The following RPS6KA2 variants were observed in gnomAD, a reference collection of about 807,000 sequenced individuals.
RPS6KA2 encodes the protein ribosomal protein S6 kinase alpha-2.
In RPS6KA2, 42 loss-of-function variants were observed where a neutral mutation model predicts 91.8. That is an observed-to-expected ratio of 0.46 (90% CI 0.36 to 0.59). The LOEUF (loss-of-function observed/expected upper bound fraction) is 0.59, where lower values mean the gene tolerates loss of function less well. RPS6KA2 is among the 20% of genes least tolerant of loss of function. The pLI is 0.00. For synonymous variants in RPS6KA2, 414 were observed against 393.6 expected (o/e 1.05, Z -0.61); for missense variants, 798 against 978.5 (o/e 0.82, Z 2.46).
At chr6:166,753,256 C>A (rs1405653872) in intron 2 of RPS6KA2, among the ~76,000 whole-genome samples, 1 of 152,214 alleles carries the variant, frequency 6.6e-6, no homozygotes, top group Non-Finnish European at 1.5e-5. Flanking sequence ...AACAGTCCCC[C>A]TCAGGCTGAA....
At chr6:166,788,857 A>C (rs959677307) in intron 2 of RPS6KA2, among the ~76,000 whole-genome samples, 4 of 152,168 alleles carry the variant, frequency 2.6e-5, no homozygotes, top group African/African-American at 9.7e-5. Flanking sequence ...TAAAATAAAA[A>C]ATAAAAATAA....
rs544663492 is a variant in RPS6KA2, at chr6:166,507,800, T to C, written c.459+403A>G. On this transcript the variant is annotated intron_variant, in intron 5 of 20. Transcript: ENST00000265678. ...ACATCACACACATACCACACACTTATCACATGACACATGCACACCCCACAT... is the reference window on the plus strand; with the variant it reads ...ACATCACACACATACCACACACTTACCACATGACACATGCACACCCCACAT... Among the ~76,000 whole-genome samples the C allele has an allele frequency of 8.4e-4, 123 of 147,224 alleles. 1 individual carries two copies. Among genetic ancestry groups the C allele is most frequent in the African/African-American group, 3.0e-3 (118 of 39,530 alleles).
chr6:166,548,450 A>G (rs1783897195), intron 1 of RPS6KA2, among the ~76,000 whole-genome samples: 1 of 152,244 alleles, frequency 6.6e-6, no homozygotes. Flanking sequence ...GGTTTGCTAC[A>G]TAGCTACAGT....
chr6:166,457,773 G>T (rs1308496845), intron 12 of RPS6KA2, among the ~76,000 whole-genome samples: 1 of 152,198 alleles, frequency 6.6e-6, no homozygotes, highest in African/African-American at 2.4e-5. Flanking sequence ...GTTCATCTGG[G>T]TATATGGGAA....
chr6:166,847,327 A>C (rs1780631832), intron 2 of RPS6KA2, among the ~76,000 whole-genome samples: 1 of 152,220 alleles, frequency 6.6e-6, no homozygotes, highest in Non-Finnish European at 1.5e-5. Context: ...GAAAATGACC[A>C]TACTGCCAAA....
intron 2 of RPS6KA2, among the ~76,000 whole-genome samples, chr6:166,672,468 G>C (rs1186770842): frequency 6.6e-6 from 1 of 152,206 alleles, no homozygotes; most frequent in Non-Finnish European, 1.5e-5. Flanking sequence ...ACTGCAGAAT[G>C]TTTCCAGTCA....
intron 2 of RPS6KA2, among the ~76,000 whole-genome samples, chr6:166,670,168 T>C (rs1788431361): frequency 6.6e-6 from 1 of 152,236 alleles, no homozygotes; most frequent in Non-Finnish European, 1.5e-5. Context: ...CAGGGTGCCC[T>C]TCCCTATGTA....
At chr6:166,739,040 G>C (rs1790741833) in intron 2 of RPS6KA2, among the ~76,000 whole-genome samples, 1 of 152,168 alleles carries the variant, frequency 6.6e-6, no homozygotes, top group Admixed American at 6.5e-5. Context: ...ACTGGAAACT[G>C]TAGGAAAAAT....
intron 2 of RPS6KA2, among the ~76,000 whole-genome samples, chr6:166,655,053 A>T (rs940754667): frequency 6.6e-6 from 1 of 152,198 alleles, no homozygotes; most frequent in African/African-American, 2.4e-5. Flanking sequence ...ATCCCTCTAG[A>T]CACTGACAAC....
Position 166,626,996 on chromosome 6 carries a change from G to A in RPS6KA2, c.24C>T (p.Phe8=), listed in dbSNP as rs760945888. Residue 8 remains phenylalanine, a synonymous_variant, in exon 1 of 21, where the codon TTC becomes TTT. Transcript: ENST00000265678. This position sits in a 1 kb window ranked among gnomAD's most constrained non-coding sequence, Gnocchi z 4.1. Reference sequence around the variant, plus strand: ...ACACAGAGAAGAACCTGCGCACGGCGAACTTCTTCATGCTCAGGTCCATCG... The same window carrying A: ...ACACAGAGAAGAACCTGCGCACGGCAAACTTCTTCATGCTCAGGTCCATCG... MDLSMKK[F]AVRRFFSVYL... The A allele has an allele frequency of 1.0e-5, 16 of 1,550,890 alleles. No homozygotes were observed. The African/African-American group carries it at 1.3e-4, about 12-fold the overall frequency.
rs549860433 is a variant in RPS6KA2, at chr6:166,767,562, G to A, written c.123+90638C>T. 6.6e-6 allele frequency among the ~76,000 whole-genome samples: 1 copy of A among 152,276 alleles called. No homozygotes were observed. The highest frequency in any genetic ancestry group is 1.9e-4 in the East Asian group (1 of 5,172). ...CAGACTGCGCTCCACTTGCCAGCAAGCCTCAAAGGGACCCAGGAAGGGTGA... is the reference window on the plus strand; with the variant it reads ...CAGACTGCGCTCCACTTGCCAGCAAACCTCAAAGGGACCCAGGAAGGGTGA... On this transcript the variant is annotated intron_variant, in intron 2 of 21. Transcript: ENST00000503859. This position sits in a 1 kb window ranked among gnomAD's most constrained non-coding sequence, Gnocchi z 4.6.
chr6:166,824,543 AGTGTGTCTATATGT>A lies in RPS6KA2; in HGVS notation c.123+33643_123+33656del, dbSNP rs1779984668. ...GCTAGCATGAGGGCATGTGTGTGTG[AGTGTGTCTATATGT>A]GTGTGTCTATGTGTGTCTGTGTCTG... On this transcript the variant is annotated intron_variant, in intron 2 of 21. Transcript: ENST00000503859. 2.6e-5 allele frequency among the ~76,000 whole-genome samples: 4 copies of A among 151,664 alleles called. No homozygotes were observed. In the South Asian group the frequency reaches 8.4e-4, roughly 32 times the overall value.
chr6:166,763,687 A>C (rs1274487303), intron 2 of RPS6KA2, among the ~76,000 whole-genome samples: 21 of 152,256 alleles, frequency 1.4e-4, no homozygotes, highest in Admixed American at 1.4e-3. Context: ...CTCCCTGTAC[A>C]GATAAGAGCA....
intron 2 of RPS6KA2, among the ~76,000 whole-genome samples, chr6:166,856,895 T>C (rs765463188): frequency 8.5e-5 from 13 of 152,196 alleles, no homozygotes; most frequent in Non-Finnish European, 1.9e-4. Context: ...TATCTACTTT[T>C]CCAGGGGATG....
At chr6:166,451,004 C>T (rs1442055188) in intron 13 of RPS6KA2, 99 bp downstream of exon 13, 1 of 1,445,622 alleles carries the variant, frequency 6.9e-7, no homozygotes, top group African/African-American at 1.4e-5. Flanking sequence ...CCATCCTAAG[C>T]ACCCAACCCC....
chr6:166,584,383 G>C (rs1302666144), intron 1 of RPS6KA2, among the ~76,000 whole-genome samples: 1 of 152,152 alleles, frequency 6.6e-6, no homozygotes, highest in African/African-American at 2.4e-5. Context: ...TCACACTGGG[G>C]GTTGGAGCTT....
chr6:166,840,443 A>C (rs1233015742), intron 2 of RPS6KA2, among the ~76,000 whole-genome samples: 1 of 152,208 alleles, frequency 6.6e-6, no homozygotes, highest in East Asian at 1.9e-4. Context: ...TGGCACAGAC[A>C]CATTCCAGGA....
chr6:166,763,749 C>T lies in RPS6KA2; in HGVS notation c.123+94451G>A, dbSNP rs138556484. On this transcript the variant is annotated intron_variant, in intron 2 of 21. Coordinates refer to the RPS6KA2 transcript ENST00000503859. The stretch of plus-strand genomic sequence containing the variant: ...GAGGCACCACACGGATGAACGGCGA[C>T]GACCTTGTTAGTTCGCTGTTACAGA... 2.8e-3 allele frequency among the ~76,000 whole-genome samples: 426 copies of T among 152,292 alleles called. 2 individuals carry two copies. The highest frequency in any genetic ancestry group is 9.9e-3 in the African/African-American group (411 of 41,556).
chr6:166,576,940 C>T (rs1784852055), intron 1 of RPS6KA2, among the ~76,000 whole-genome samples: 1 of 150,532 alleles, frequency 6.6e-6, no homozygotes, highest in South Asian at 2.2e-4. Flanking sequence ...GTCCAGGGTC[C>T]CAGAGCTGTG....
Sources: gnomAD v4.1 joint callset for allele counts (sites outside exome capture counted in the v4.1 genomes callset) on GRCh38, gnomAD v4.1.1 for gene constraint, Gnocchi (gnomAD v3.1) non-coding constraint, MANE v1.5 for transcripts, NCBI Gene and HGNC (gene_info 2026-07-23, HGNC 2026-07-21) for gene names.